KIF16B: variants seen among roughly 807,000 people sequenced by gnomAD.
The protein encoded by KIF16B is kinesin family member 16B, also known as kinesin-like protein KIF16B.
In KIF16B, 98 loss-of-function variants were observed where a neutral mutation model predicts 156.3. The observed-to-expected ratio is 0.63, with a 90% CI of 0.53 to 0.74. The LOEUF (loss-of-function observed/expected upper bound fraction) is 0.74, where lower values mean the gene tolerates loss of function less well. Among genes scored for constraint, KIF16B ranks in the 30% least tolerant of loss-of-function variants. KIF16B has a pLI of 0.00. For missense variants in KIF16B, 1,421 were observed against 1,606.5 expected, an observed-to-expected ratio of 0.88 and a Z score of 1.97; for synonymous variants, 564 against 583.7, an observed-to-expected ratio of 0.97 and a Z score of 0.49.
At chr20:16,512,293 TG>T (rs747567950) in intron 5 of KIF16B, among the ~76,000 whole-genome samples, 6 of 152,180 alleles carry the variant, frequency 3.9e-5, no homozygotes, top group Non-Finnish European at 7.3e-5. Flanking sequence ...GGAGGTTTAG[TG>T]TGATTCAAAT....
chr20:16,324,373 T>C (rs1168354258), intron 24 of KIF16B, among the ~76,000 whole-genome samples: 1 of 152,000 alleles, frequency 6.6e-6, no homozygotes, highest in Non-Finnish European at 1.5e-5. Flanking sequence ...GTCCTAAATC[T>C]TGGTGTGACC....
rs2066132695 is a variant in KIF16B at position 16,417,969 on chromosome 20, AAAT to A, written c.1612+9132_1612+9134del. Among the ~76,000 whole-genome samples the A allele has an allele frequency of 2.0e-5, 3 of 152,110 alleles. No individual in the cohort carries two copies. In the South Asian group the frequency reaches 6.2e-4, roughly 31 times the overall value. Reference sequence around the variant, plus strand: ...AAAGAGTATAGTGCGGGGGAAAAAAAAATTAACAAATAATGGTTGAAAACTTCC... The same window carrying A: ...AAAGAGTATAGTGCGGGGGAAAAAAATAACAAATAATGGTTGAAAACTTCC... On this transcript the variant is annotated intron_variant, in intron 15 of 25. Transcript: ENST00000354981.
At chr20:16,428,855 T>C in intron 14 of KIF16B, 98 bp downstream of exon 14, 1 of 964,980 alleles carries the variant, frequency 1.0e-6, no homozygotes, top group Non-Finnish European at 1.7e-6. Flanking sequence ...ATAATTTAAT[T>C]TTCTATAATT....
chr20:16,385,370 GA>G (rs1195322061), intron 17 of KIF16B, among the ~76,000 whole-genome samples: 1 of 152,076 alleles, frequency 6.6e-6, no homozygotes, highest in Non-Finnish European at 1.5e-5. Flanking sequence ...TAAAGAGAAA[GA>G]AAAAGTCAAA....
At chr20:16,561,086 T>C (rs964293140) in intron 1 of KIF16B, among the ~76,000 whole-genome samples, 7 of 152,114 alleles carry the variant, frequency 4.6e-5, no homozygotes, top group African/African-American at 1.7e-4. Flanking sequence ...GGTCAGGAGT[T>C]CAAGACCAGC....
At chr20:16,410,150 CATATACATATATGTAGGTACATAT>C (rs2065908974) in intron 15 of KIF16B, among the ~76,000 whole-genome samples, 3 of 128,562 alleles carry the variant, frequency 2.3e-5, no homozygotes, top group Admixed American at 7.8e-5. Flanking sequence ...TATGTAGGTA[CATATACATATATGTAGGTACATAT>C]ATATATGTAG....
intron 24 of KIF16B, among the ~76,000 whole-genome samples, chr20:16,322,170 A>C (rs2063781329): frequency 6.6e-6 from 1 of 152,028 alleles, no homozygotes; most frequent in African/African-American, 2.4e-5. Context: ...CAAAAGACAA[A>C]ATTCCTATGG....
chr20:16,322,500 G>A (rs2063786459), intron 24 of KIF16B, among the ~76,000 whole-genome samples: 2 of 151,988 alleles, frequency 1.3e-5, no homozygotes, highest in Admixed American at 1.3e-4. Context: ...AATTATGAAA[G>A]CGTTGAGTAT....
At position 16,511,385 on chromosome 20, in the gene KIF16B, A is replaced by G. The variant is rs1174647888; in HGVS notation, c.556+33T>C. On this transcript the variant is annotated intron_variant, in intron 6 of 25. Coordinates refer to ENST00000354981, the MANE Select transcript of KIF16B (RefSeq NM_024704.5). The stretch of plus-strand genomic sequence containing the variant: ...AAGTGTTATTTTTACATAGATCACA[A>G]AAAGAATATGGCTGTGAAATATCTA... 9.4e-6 allele frequency: 11 copies of G among 1,166,932 alleles called. No individual in the cohort carries two copies. In the East Asian group the frequency reaches 2.2e-4, roughly 23 times the overall value. 72.3% of individuals were successfully genotyped at this position (1,166,932 alleles called of 1,614,324 possible).
At position 16,573,220 on chromosome 20, in the gene KIF16B, C is replaced by T. The variant is rs1418451729; in HGVS notation, c.47+9G>A. On this transcript the variant is annotated intron_variant, in intron 1 of 25. Transcript: ENST00000354981. ...GACGAGGGGGCGGGGCGCGGGCGGC[C>T]CCACTCACCTGCGATTCATGGGCCG... 6.3e-7 allele frequency: 1 copy of T among 1,588,900 alleles called. No homozygotes were observed. Among genetic ancestry groups the T allele is most frequent in the South Asian group, 1.1e-5 (1 of 87,280 alleles).
At chr20:16,430,932 AAAAAAACAAAAAAC>A (rs747284120) in intron 12 of KIF16B, among the ~76,000 whole-genome samples, 1 of 149,666 alleles carries the variant, frequency 6.7e-6, no homozygotes, top group Non-Finnish European at 1.5e-5. Flanking sequence ...TAACACATTA[AAAAAAACAAAAAAC>A]AAAAAACAAA....
intron 12 of KIF16B, among the ~76,000 whole-genome samples, chr20:16,478,541 T>G (rs2067883676): frequency 6.6e-6 from 1 of 152,226 alleles, no homozygotes. Flanking sequence ...AAATTCATAC[T>G]GTTCTCAGTC....
At chr20:16,289,291 T>C (rs1165141976) in intron 25 of KIF16B, among the ~76,000 whole-genome samples, 1 of 152,172 alleles carries the variant, frequency 6.6e-6, no homozygotes, top group Non-Finnish European at 1.5e-5. Flanking sequence ...AGTAGAACCA[T>C]CATCAAGTTG....
At chr20:16,392,109 T>C (rs1191312146) in intron 17 of KIF16B, among the ~76,000 whole-genome samples, 1 of 152,188 alleles carries the variant, frequency 6.6e-6, no homozygotes, top group African/African-American at 2.4e-5. Context: ...CACAGGTAAG[T>C]GTCCTACACC....
rs1440965351 is a variant in KIF16B, at chr20:16,379,678, A to G, written c.2324T>C (p.Met775Thr). 6.2e-7 allele frequency: 1 copy of G among 1,613,746 alleles called. No homozygotes were observed. The highest frequency in any genetic ancestry group is 1.3e-5 in the African/African-American group (1 of 74,812). The change falls in exon 19 of 26, where the codon ATG becomes ACG. Residue 775 changes from methionine (M) to threonine (T), a missense_variant. Transcript: ENST00000354981. ...CTCCCCACGCCGCAGGAGCTGGATC[A>G]TCTCCTGCTTCTCTCGGAGCTGCTC... ...LEEQLREKQE[M>T]IQLLRRGEVQ...
At chr20:16,371,813 A>T (rs2064829577) in intron 20 of KIF16B, 52 bp from the exon 21 acceptor site, 2 of 1,235,656 alleles carry the variant, frequency 1.6e-6, no homozygotes, top group Non-Finnish European at 2.4e-6. Context: ...CACACAGGAC[A>T]TTCTGAGATC....
chr20:16,528,557 T>C (rs2069634506), intron 1 of KIF16B, 117 bp from the exon 2 acceptor site: 3 of 731,948 alleles, frequency 4.1e-6, no homozygotes, highest in African/African-American at 1.8e-5. Context: ...TCAAATGGCA[T>C]CTGAGGAGCA....
chr20:16,447,554 A>G (rs1206855686), intron 12 of KIF16B, among the ~76,000 whole-genome samples: 1 of 152,038 alleles, frequency 6.6e-6, no homozygotes, highest in Non-Finnish European at 1.5e-5. Flanking sequence ...CAGGAGGATA[A>G]TTTGAGGCCA....
chr20:16,536,073 A>G (rs1476584580), intron 1 of KIF16B, among the ~76,000 whole-genome samples: 1 of 152,234 alleles, frequency 6.6e-6, no homozygotes, highest in Non-Finnish European at 1.5e-5. Flanking sequence ...AATAGCAAAG[A>G]TATTATCAAC....
Sources: allele counts gnomAD v4.1 joint callset (sites outside exome capture counted in the v4.1 genomes callset), GRCh38; gene constraint gnomAD v4.1.1; transcripts MANE v1.5; gene names NCBI Gene and HGNC (gene_info 2026-07-23, HGNC 2026-07-21).